Variants in ST8SIA1 observed in about 807,000 individuals in gnomAD.
ST8SIA1 encodes ST8 alpha-N-acetyl-neuraminide alpha-2,8-sialyltransferase 1.
ST8SIA1 carries 16 observed loss-of-function variants against 35.9 expected under a neutral mutation model. That is an observed-to-expected ratio of 0.45 (90% confidence interval 0.30 to 0.68). ST8SIA1 has a LOEUF of 0.68. Among genes scored for constraint, ST8SIA1 ranks in the 30% least tolerant of loss-of-function variants. ST8SIA1 has a pLI of 0.09. For missense variants in ST8SIA1, 383 were observed against 453.6 expected (o/e 0.84, Z 1.41); for synonymous variants, 170 against 169.6 (o/e 1.00, Z -0.02).
chr12:22,263,547 A>G (rs979300816), intron 2 of ST8SIA1, among the ~76,000 whole-genome samples: 3 of 152,206 alleles, frequency 2.0e-5, no homozygotes, highest in Non-Finnish European at 2.9e-5. Flanking sequence ...ATTTATGTTT[A>G]TGTGATACTC....
At chr12:22,320,967 GAA>G (rs757074532) in intron 1 of ST8SIA1, among the ~76,000 whole-genome samples, 15 of 77,168 alleles carry the variant, frequency 1.9e-4, no homozygotes, top group Non-Finnish European at 2.8e-4. Flanking sequence ...GAGAAAGAAA[GAA>G]AGAAAGAAAG....
At chr12:22,317,421 GC>G (rs1342715965) in intron 1 of ST8SIA1, among the ~76,000 whole-genome samples, 1 of 152,200 alleles carries the variant, frequency 6.6e-6, no homozygotes, top group Non-Finnish European at 1.5e-5. Context: ...CAGCTGGAGG[GC>G]TCTAGCTCAA....
chr12:22,210,633 C>T lies in ST8SIA1; in HGVS notation c.585-8595G>A, dbSNP rs186668173. ...CAGAACTTCTGACCAGCTGGCTGCA[C>T]GCTGAGGTTCCTGCAATCCCTTCTT... On this transcript the variant is annotated intron_variant, in intron 4 of 4. Coordinates refer to ENST00000396037, the MANE Select transcript of ST8SIA1 (RefSeq NM_003034.4). 2.9e-3 allele frequency among the ~76,000 whole-genome samples: 449 copies of T among 152,306 alleles called. 3 individuals are homozygous for T. Among genetic ancestry groups the T allele is most frequent in the Non-Finnish European group, 2.6e-3 (175 of 68,024 alleles).
At chr12:22,327,400 C>T (rs922321109) in intron 1 of ST8SIA1, among the ~76,000 whole-genome samples, 10 of 152,204 alleles carry the variant, frequency 6.6e-5, no homozygotes, top group African/African-American at 9.6e-5. Context: ...GTCCCTTAGC[C>T]GTTCCTTGCC....
intron 1 of ST8SIA1, among the ~76,000 whole-genome samples, chr12:22,312,713 GA>G (rs63016160): frequency 0.018 from 1,868 of 103,488 alleles, 11 homozygotes; most frequent in Middle Eastern, 0.06. Context: ...TCACGGAAAT[GA>G]AAAAAAAAAA....
chr12:22,321,003 G>GAAAGAAGAAAGAAAGA (rs377218947), intron 1 of ST8SIA1, among the ~76,000 whole-genome samples: 77 of 76,600 alleles, frequency 1.0e-3, no homozygotes, highest in Non-Finnish European at 1.2e-3. Context: ...AAGAAAGAAA[G>GAAAGAAGAAAGAAAGA]AAGAAAGAAA....
chr12:22,269,297 C>G lies in ST8SIA1; in HGVS notation c.382-13908G>C, dbSNP rs1054990887. On this transcript the variant is annotated intron_variant, in intron 2 of 4. Transcript: ENST00000396037. ...GTGAAAAATTCAGGATTCTAACTGA[C>G]AAAGAGAAGTCCAAAAGTTTCTAAA... Among the ~76,000 whole-genome samples the G allele has an allele frequency of 2.0e-5, 3 of 152,036 alleles. No homozygotes were observed. The South Asian group carries it at 6.3e-4, about 32-fold the overall frequency.
At chr12:22,310,787 A>T (rs1044223169) in intron 1 of ST8SIA1, among the ~76,000 whole-genome samples, 1 of 152,198 alleles carries the variant, frequency 6.6e-6, no homozygotes, top group African/African-American at 2.4e-5. Flanking sequence ...CATAAAAATA[A>T]ATAAAAATAT....
intron 2 of ST8SIA1, among the ~76,000 whole-genome samples, chr12:22,265,470 G>T (rs1207085424): frequency 6.6e-6 from 1 of 152,186 alleles, no homozygotes; most frequent in Non-Finnish European, 1.5e-5. Context: ...CCTGCATCCA[G>T]TCCCTGCTGT....
chr12:22,235,068 G>GAGATT (rs1565573705), intron 4 of ST8SIA1, among the ~76,000 whole-genome samples: 1 of 152,118 alleles, frequency 6.6e-6, no homozygotes, highest in Non-Finnish European at 1.5e-5. Context: ...GTGTGTGTGC[G>GAGATT]CAGGGTGTGT....
Position 22,334,349 on chromosome 12 carries a change from C to T in ST8SIA1, c.-117G>A, listed in dbSNP as rs750302179. On this transcript the variant is annotated 5_prime_UTR_variant, in exon 1 of 5. Transcript: ENST00000396037. ...TGCACACACACCTTTGGTTCTCTTACTTGCAAACGCACGCACGCTTCTTCG... is the reference window on the plus strand; with the variant it reads ...TGCACACACACCTTTGGTTCTCTTATTTGCAAACGCACGCACGCTTCTTCG... The T allele has an allele frequency of 1.1e-5, 8 of 733,558 alleles. No individual in the cohort carries two copies. The highest frequency in any genetic ancestry group is 1.8e-5 in the Non-Finnish European group (8 of 453,496). The allele number at this position is 733,558 out of a possible 1,614,324, so 45.4% of individuals were successfully genotyped here. A position where few individuals can be genotyped will look rare whatever the true frequency, so the allele number is the denominator to read the frequency against.
chr12:22,212,156 A>C (rs2120637628), intron 4 of ST8SIA1, among the ~76,000 whole-genome samples: 1 of 152,268 alleles, frequency 6.6e-6, no homozygotes, highest in African/African-American at 2.4e-5. Context: ...AAGTTAATTT[A>C]TCTCCTGACC....
chr12:22,321,883 G>A (rs1866607179), intron 1 of ST8SIA1, among the ~76,000 whole-genome samples: 1 of 152,222 alleles, frequency 6.6e-6, no homozygotes, highest in Non-Finnish European at 1.5e-5. Flanking sequence ...GTTGAGTTGA[G>A]AACAGTTGCT....
chr12:22,321,010 GA>G (rs1271904665), intron 1 of ST8SIA1, among the ~76,000 whole-genome samples: 3 of 95,394 alleles, frequency 3.1e-5, no homozygotes, highest in African/African-American at 4.7e-5. Context: ...AAAGAAGAAA[GA>G]AAGAAAGAAA....
chr12:22,278,022 C>T (rs1445331771), intron 2 of ST8SIA1, among the ~76,000 whole-genome samples: 4 of 152,168 alleles, frequency 2.6e-5, no homozygotes, highest in Non-Finnish European at 5.9e-5. Flanking sequence ...CTAGCACAGT[C>T]CCTACCACAC....
At chr12:22,236,641 T>A (rs1009315450) in intron 4 of ST8SIA1, among the ~76,000 whole-genome samples, 24 of 152,086 alleles carry the variant, frequency 1.6e-4, no homozygotes, top group Non-Finnish European at 1.5e-5. Flanking sequence ...CCCTAATGTT[T>A]CTCCACTGGG....
At chr12:22,277,893 C>T (rs11611833) in intron 2 of ST8SIA1, among the ~76,000 whole-genome samples, 16,283 of 152,074 alleles carry the variant, frequency 0.11, 1,120 homozygotes, top group Middle Eastern at 0.24. Flanking sequence ...AGAAAAGAAG[C>T]AGGAGAAAGG....
At chr12:22,228,749 G>A (rs917598538) in intron 4 of ST8SIA1, among the ~76,000 whole-genome samples, 12 of 152,048 alleles carry the variant, frequency 7.9e-5, no homozygotes, top group South Asian at 6.2e-4. Flanking sequence ...ATGATGACCC[G>A]AGATTCCATT....
chr12:22,198,079 A>G lies in ST8SIA1; in HGVS notation c.*3473T>C, dbSNP rs1177878230. On this transcript the variant is annotated 3_prime_UTR_variant, in exon 5 of 5. Transcript: ENST00000396037. ...CCTACCTTCATGATCTTTGGAATCA[A>G]TGCAGTTCTCAAATCGAGGCTAATA... 6.6e-6 allele frequency: 1 copy of G among 152,160 alleles called. No individual in the cohort carries two copies. The highest frequency in any genetic ancestry group is 2.4e-5 in the African/African-American group (1 of 41,438). The allele number at this position is 152,160 out of a possible 1,614,324, so 9.4% of individuals were successfully genotyped here.
Sources: allele counts gnomAD v4.1 joint callset (sites outside exome capture counted in the v4.1 genomes callset), GRCh38; gene constraint gnomAD v4.1.1; transcripts MANE v1.5; gene names NCBI Gene and HGNC (gene_info 2026-07-23, HGNC 2026-07-21).